Variants in GC observed in about 807,000 individuals in gnomAD.
GC encodes the protein GC vitamin D binding protein, also known as vitamin D-binding protein.
A neutral mutation model predicts 56.7 loss-of-function variants in GC; 43 were observed. The observed-to-expected ratio is 0.76, with a 90% CI of 0.59 to 0.98. The LOEUF (loss-of-function observed/expected upper bound fraction) is 0.98, where lower values mean the gene tolerates loss of function less well. GC is among the 50% of genes least tolerant of loss of function. The pLI is 0.00. For synonymous variants in GC, 216 were observed against 202.7 expected, an observed-to-expected ratio of 1.07 and a Z score of -0.56; for missense variants, 529 against 545.9, an observed-to-expected ratio of 0.97 and a Z score of 0.31.
chr4:71,765,913 A>G (rs1310761350), intron 3 of GC, among the ~76,000 whole-genome samples: 1 of 152,154 alleles, frequency 6.6e-6, no homozygotes, highest in Non-Finnish European at 1.5e-5. Flanking sequence ...ATCTGATTAG[A>G]GCCATTAGAA....
intron 11 of GC, among the ~76,000 whole-genome samples, chr4:71,752,282 T>TA (rs1741581075): frequency 1.3e-5 from 2 of 152,320 alleles, no homozygotes; most frequent in Admixed American, 1.3e-4. Flanking sequence ...TTTTGTTTCT[T>TA]AAAAAAAGTA....
At chr4:71,747,849 G>A (rs1491709) in intron 11 of GC, among the ~76,000 whole-genome samples, 10,986 of 152,164 alleles carry the variant, frequency 0.072, 424 homozygotes, top group East Asian at 0.17. Flanking sequence ...CAAAAGAAGA[G>A]AGTATGTCTA....
In GC at chr4:71,769,321, G is replaced by T. The variant is rs1276460546; in HGVS notation, c.128+10C>A. On this transcript the variant is annotated intron_variant, in intron 2 of 12. Transcript: ENST00000273951. ...ATCACCAACAGAGTGAGTGGCTGCTGCACACTTACAGAGATGTGAAGTCCT... is the reference window on the plus strand; with the variant it reads ...ATCACCAACAGAGTGAGTGGCTGCTTCACACTTACAGAGATGTGAAGTCCT... 3.8e-6 allele frequency: 6 copies of T among 1,586,594 alleles called. No homozygotes were observed. Among genetic ancestry groups the T allele is most frequent in the Non-Finnish European group, 3.5e-6 (4 of 1,155,488 alleles).
At chr4:71,779,292 G>T (rs958044536) in intron 1 of GC, among the ~76,000 whole-genome samples, 1 of 151,826 alleles carries the variant, frequency 6.6e-6, no homozygotes, top group African/African-American at 2.4e-5. Flanking sequence ...GGTACTAGGT[G>T]CTAAGAAGAA....
At chr4:71,759,418 C>A (rs1741893110) in intron 6 of GC, 1 of 152,134 alleles carries the variant, frequency 6.6e-6, no homozygotes, top group Non-Finnish European at 1.5e-5. Flanking sequence ...ACAAGCGTTC[C>A]AATTTCTATG....
intron 1 of GC, among the ~76,000 whole-genome samples, chr4:71,773,945 G>A (rs1361558215): frequency 6.6e-6 from 1 of 151,946 alleles, no homozygotes; most frequent in African/African-American, 2.4e-5. Context: ...AATATGGTTT[G>A]CAGTGTTTAT....
intron 1 of GC, among the ~76,000 whole-genome samples, chr4:71,777,959 A>G (rs1451822175): frequency 6.6e-6 from 1 of 151,636 alleles, no homozygotes; most frequent in Non-Finnish European, 1.5e-5. Flanking sequence ...GGGTGCAGCA[A>G]ACCACCATGG....
intron 11 of GC, among the ~76,000 whole-genome samples, chr4:71,748,242 A>G (rs1250310375): frequency 2.0e-5 from 3 of 152,166 alleles, no homozygotes; most frequent in Non-Finnish European, 4.4e-5. Context: ...AATGATAGCT[A>G]TGACACTGAA....
At chr4:71,757,495 T>TAA (rs5859288) in intron 7 of GC, among the ~76,000 whole-genome samples, 8 of 151,802 alleles carry the variant, frequency 5.3e-5, no homozygotes, top group South Asian at 2.1e-4. Context: ...TGAAAAATGG[T>TAA]AAAAAAAATT....
chr4:71,803,057 C>T (rs1374293037), intron 1 of GC, among the ~76,000 whole-genome samples: 1 of 152,152 alleles, frequency 6.6e-6, no homozygotes, highest in African/African-American at 2.4e-5. Flanking sequence ...ATCTGGTGAA[C>T]TTACAGTCTG....
chr4:71,801,242 G>A (rs1458730478), intron 1 of GC, among the ~76,000 whole-genome samples: 1 of 152,130 alleles, frequency 6.6e-6, no homozygotes, highest in African/African-American at 2.4e-5. Context: ...CCTCATTAGA[G>A]GTAAAGAAAT....
At chr4:71,796,506 G>A (rs1016964450) in intron 1 of GC, among the ~76,000 whole-genome samples, 1 of 152,138 alleles carries the variant, frequency 6.6e-6, no homozygotes, top group African/African-American at 2.4e-5. Flanking sequence ...ATGGTTTTCA[G>A]CTCCATCAGG....
chr4:71,747,818 G>A (rs1741424263), intron 11 of GC, among the ~76,000 whole-genome samples: 1 of 152,112 alleles, frequency 6.6e-6, no homozygotes, highest in Non-Finnish European at 1.5e-5. Flanking sequence ...AAATTAGACA[G>A]AGCTGGCAAA....
chr4:71,761,400 A>C (rs988806045), intron 6 of GC, among the ~76,000 whole-genome samples: 2 of 152,232 alleles, frequency 1.3e-5, no homozygotes, highest in African/African-American at 4.8e-5. Flanking sequence ...AAAGGCATTC[A>C]GTTTCAAAAG....
intron 1 of GC, among the ~76,000 whole-genome samples, chr4:71,771,174 T>A (rs1742328511): frequency 6.6e-6 from 1 of 152,188 alleles, no homozygotes; most frequent in Admixed American, 6.6e-5. Context: ...TCAGGTGATA[T>A]GATGGTAACT....
At chr4:71,753,043 A>G (rs926274443) in intron 10 of GC, among the ~76,000 whole-genome samples, 1 of 151,982 alleles carries the variant, frequency 6.6e-6, no homozygotes, top group African/African-American at 2.4e-5. Flanking sequence ...TTTTCCTCTC[A>G]TAATTTATAT....
At chr4:71,758,356 T>A (rs1741854795) in intron 6 of GC, among the ~76,000 whole-genome samples, 185 bp from the exon 7 acceptor site, 1 of 152,148 alleles carries the variant, frequency 6.6e-6, no homozygotes, top group Non-Finnish European at 1.5e-5. Context: ...GATCAAGAGA[T>A]CCCTAATGAA....
upstream of GC, among the ~76,000 whole-genome samples, chr4:71,786,648 C>A (rs1742846947): frequency 6.6e-6 from 1 of 151,794 alleles, no homozygotes. Context: ...AGGGCTAGTT[C>A]CAGGCAAAAT....
intron 12 of GC, among the ~76,000 whole-genome samples, chr4:71,745,429 T>C (rs967899282): frequency 6.6e-6 from 1 of 152,176 alleles, no homozygotes; most frequent in African/African-American, 2.4e-5. Context: ...CCACATTATT[T>C]TGGGCAGAGT....
Sources: allele counts gnomAD v4.1 joint callset (sites outside exome capture counted in the v4.1 genomes callset), GRCh38; gene constraint gnomAD v4.1.1; transcripts MANE v1.5; gene names NCBI Gene and HGNC (gene_info 2026-07-23, HGNC 2026-07-21).